The following SLC1A6 variants were observed in gnomAD, a reference collection of about 807,000 sequenced individuals.
The protein encoded by SLC1A6 is excitatory amino acid transporter 4.
In SLC1A6, 15 loss-of-function variants were observed where a neutral mutation model predicts 42.1. The observed-to-expected ratio is 0.36, with a 90% confidence interval of 0.24 to 0.55. The LOEUF (loss-of-function observed/expected upper bound fraction) is 0.55. Ranked by LOEUF, SLC1A6 falls within the 20% of genes least tolerant of loss-of-function variation. SLC1A6 has a pLI of 0.88. For missense variants in SLC1A6, 542 were observed against 772.5 expected (o/e 0.70, Z 3.54); for synonymous variants, 317 against 319.7 (o/e 0.99, Z 0.09).
At chr19:14,975,788 G>A (rs910369918) in intron 1 of SLC1A6, among the ~76,000 whole-genome samples, 3 of 145,800 alleles carry the variant, frequency 2.1e-5, no homozygotes, top group Non-Finnish European at 3.0e-5. Context: ...AAGAAAGAAA[G>A]GAGGGAAGGG....
chr19:14,995,938 A>G (rs529940412), intron 1 of SLC1A6, among the ~76,000 whole-genome samples: 1 of 152,262 alleles, frequency 6.6e-6, no homozygotes, highest in East Asian at 1.9e-4. Context: ...GGGAAGGAAA[A>G]GGGGGTGTCC....
chr19:14,956,105 AAGG>A (rs1337845171), intron 7 of SLC1A6, among the ~76,000 whole-genome samples: 6 of 151,980 alleles, frequency 3.9e-5, no homozygotes, highest in African/African-American at 1.5e-4. Context: ...GGGGAAGAAG[AAGG>A]AGGAGGAGAA....
intron 1 of SLC1A6, among the ~76,000 whole-genome samples, chr19:14,991,242 A>G (rs1005909251): frequency 3.3e-5 from 5 of 152,240 alleles, no homozygotes; most frequent in African/African-American, 1.2e-4. Flanking sequence ...GTGATGCTAA[A>G]GGGTATAGAC....
intron 9 of SLC1A6, among the ~76,000 whole-genome samples, chr19:14,950,975 G>A (rs1182899040): frequency 6.6e-6 from 1 of 150,486 alleles, no homozygotes; most frequent in Non-Finnish European, 1.5e-5. Context: ...GCAGGGCGTG[G>A]TGGCTCATGC....
chr19:14,966,417 G>A (rs1388449179), intron 4 of SLC1A6, among the ~76,000 whole-genome samples: 1 of 151,752 alleles, frequency 6.6e-6, no homozygotes, highest in African/African-American at 2.4e-5. Context: ...CCCTGGAGGC[G>A]GAGGTTGCAG....
chr19:14,967,390 C>G (rs1156404720), intron 4 of SLC1A6, among the ~76,000 whole-genome samples: 1 of 152,200 alleles, frequency 6.6e-6, no homozygotes, highest in Non-Finnish European at 1.5e-5. Context: ...CCACCAACAG[C>G]TGAACAGACT....
chr19:14,969,799 T>G (rs1024562274), intron 3 of SLC1A6, among the ~76,000 whole-genome samples: 2 of 152,212 alleles, frequency 1.3e-5, no homozygotes, highest in African/African-American at 4.8e-5. Context: ...TAAATAAAGT[T>G]TTATTGGAAC....
intron 1 of SLC1A6, among the ~76,000 whole-genome samples, chr19:15,010,096 G>A (rs1474237656): frequency 6.7e-6 from 1 of 150,294 alleles, no homozygotes; most frequent in Non-Finnish European, 1.5e-5. Context: ...TGAGGCAGGA[G>A]AATCTCTTGA....
At chr19:14,964,995 A>G (rs987464256) in intron 4 of SLC1A6, among the ~76,000 whole-genome samples, 4 of 151,168 alleles carry the variant, frequency 2.6e-5, no homozygotes, top group African/African-American at 4.9e-5. Context: ...AATTAGTACA[A>G]CCTCTATGGA....
intron 1 of SLC1A6, among the ~76,000 whole-genome samples, chr19:15,006,073 TG>T (rs778169899): frequency 3.3e-5 from 5 of 152,228 alleles, no homozygotes; most frequent in African/African-American, 4.8e-5. Flanking sequence ...GGACCTCTTC[TG>T]GTTTTGAAAT....
At chr19:14,980,654 C>CAAAAAAAAAAAAAAAA (rs35361239), upstream of SLC1A6, among the ~76,000 whole-genome samples, 1 of 125,408 alleles carries the variant, frequency 8.0e-6, no homozygotes, top group Non-Finnish European at 1.6e-5. Flanking sequence ...GAGACTCCGT[C>CAAAAAAAAAAAAAAAA]AAAAAAAAAA....
intron 9 of SLC1A6, 94 bp downstream of exon 9, chr19:14,952,834 T>C: frequency 6.9e-7 from 1 of 1,451,506 alleles, no homozygotes; most frequent in East Asian, 2.4e-5. Context: ...ACTGCATCTT[T>C]GCTGGAATAA....
intron 1 of SLC1A6, among the ~76,000 whole-genome samples, chr19:14,996,427 T>G (rs12462793): frequency 0.75 from 114,076 of 151,856 alleles, 42,935 homozygotes; most frequent in South Asian, 0.81. Context: ...CTTAGAAATA[T>G]ATACATTAGA....
At chr19:15,001,278 C>T (rs1168626441) in intron 1 of SLC1A6, among the ~76,000 whole-genome samples, 3 of 151,984 alleles carry the variant, frequency 2.0e-5, no homozygotes, top group East Asian at 3.9e-4. Flanking sequence ...ACAAGAGCTA[C>T]GAGGGGAGGA....
At chr19:14,966,367 C>T (rs2045574055) in intron 4 of SLC1A6, among the ~76,000 whole-genome samples, 1 of 152,006 alleles carries the variant, frequency 6.6e-6, no homozygotes, top group African/African-American at 2.4e-5. Flanking sequence ...TGGCGTGCAC[C>T]TGTAATTCCA....
upstream of SLC1A6, among the ~76,000 whole-genome samples, chr19:14,982,624 A>G (rs1324082930): frequency 1.3e-5 from 2 of 152,250 alleles, no homozygotes; most frequent in African/African-American, 4.8e-5. Context: ...AATGTGCCAT[A>G]CTAATGAAAT....
chr19:14,966,431 G>A (rs904651315), intron 4 of SLC1A6, among the ~76,000 whole-genome samples: 3 of 152,104 alleles, frequency 2.0e-5, no homozygotes, highest in Admixed American at 6.6e-5. Flanking sequence ...GTTGCAGTGA[G>A]CCAAGCTCAT....
In SLC1A6 at chr19:14,956,269, T is replaced by TA. The variant is rs373168671; in HGVS notation, c.1169+206dup. On this transcript the variant is annotated intron_variant, in intron 7 of 9. Transcript: ENST00000594383. ...TACCTGGTTCTCCTCCACAGAAAGT[T>TA]AAAAAACAGGAAAGGAGAAAAGGAG... Among the ~76,000 whole-genome samples the TA allele has an allele frequency of 2.2e-4, 33 of 151,926 alleles. 1 individual carries two copies. The highest frequency in any genetic ancestry group is 7.7e-4 in the African/African-American group (32 of 41,428).
At chr19:14,971,586 G>T in intron 3 of SLC1A6, 151 bp downstream of exon 3, 3 of 727,096 alleles carry the variant, frequency 4.1e-6, no homozygotes, top group Non-Finnish European at 6.7e-6. Flanking sequence ...CCTGGGCTTT[G>T]TTTGGCCAAG....
Sources: gnomAD v4.1 joint callset for allele counts (sites outside exome capture counted in the v4.1 genomes callset) on GRCh38, gnomAD v4.1.1 for gene constraint, MANE v1.5 for transcripts, NCBI Gene and HGNC (gene_info 2026-07-23, HGNC 2026-07-21) for gene names.